The following SAP18 variants were observed in gnomAD, a reference collection of about 807,000 sequenced individuals.
SAP18 encodes the protein Sin3A associated protein 18.
A neutral mutation model predicts 18.6 loss-of-function variants in SAP18; 4 were observed. The ratio of observed to expected loss-of-function variants is 0.21; its 90% CI spans 0.11 to 0.49. SAP18 has a LOEUF of 0.49. SAP18 is among the 20% of genes least tolerant of loss of function. SAP18 has a pLI of 0.98. For synonymous variants in SAP18, 112 were observed against 82.8 expected (o/e 1.35, Z -1.92); for missense variants, 170 against 226.4 (o/e 0.75, Z 1.60).
exon 4 of SAP18, chr13:21,147,398 A>G: frequency 6.9e-7 from 1 of 1,453,466 alleles, no homozygotes; most frequent in Non-Finnish European, 9.4e-7. Context: ...AAATAAACAT[A>G]CTCTTCTTCC....
exon 4 of SAP18, chr13:21,148,455 A>G (rs1343775403): frequency 6.6e-6 from 1 of 152,180 alleles, no homozygotes; most frequent in Non-Finnish European, 1.5e-5. Context: ...TTAGTTTGTT[A>G]CAGTAGCCAA....
chr13:21,142,333 C>T (rs1438436044), intron 2 of SAP18, among the ~76,000 whole-genome samples: 1 of 150,682 alleles, frequency 6.6e-6, no homozygotes, highest in African/African-American at 2.4e-5. Flanking sequence ...CCGTGTTAAC[C>T]ATTTATTTTT....
At chr13:21,147,559 G>T in exon 4 of SAP18, 2 of 531,306 alleles carry the variant, frequency 3.8e-6, no homozygotes, top group Admixed American at 3.5e-5. Context: ...AGTGCTCTTA[G>T]CATTCTGTGT....
chr13:21,141,109 G>C, intron 2 of SAP18, 114 bp downstream of exon 2: 1 of 723,470 alleles, frequency 1.4e-6, no homozygotes. Flanking sequence ...TCTCCACTTG[G>C]GGCCTTCGGA....
intron 2 of SAP18, among the ~76,000 whole-genome samples, chr13:21,145,450 C>T (rs555194353): frequency 1.2e-4 from 18 of 152,126 alleles, no homozygotes; most frequent in Non-Finnish European, 2.2e-4. Flanking sequence ...GAATAGTTAA[C>T]ATCAAAATAT....
intron 2 of SAP18, chr13:21,141,206 C>T: frequency 3.4e-6 from 2 of 582,032 alleles, no homozygotes; most frequent in Non-Finnish European, 6.1e-6. Flanking sequence ...AATGTTGCAA[C>T]TTTTGGGCGG....
chr13:21,140,564 A>G (rs1387835530), exon 1 of SAP18: 14 of 1,598,054 alleles, frequency 8.8e-6, no homozygotes, highest in East Asian at 2.3e-5. Flanking sequence ...TGCTCGCTGC[A>G]GGGGTCGGAG....
chr13:21,141,022 A>G lies in SAP18; in HGVS notation c.239+27A>G, dbSNP rs1000417790. 5 of 1,472,180 alleles carry G rather than the reference A, an allele frequency of 3.4e-6. No homozygotes were observed. The African/African-American group carries it at 6.9e-5, about 20-fold the overall frequency. 91.2% of individuals were successfully genotyped at this position (1,472,180 alleles called of 1,614,324 possible). A position where few individuals can be genotyped will look rare whatever the true frequency, so the allele number is the denominator to read the frequency against. On this transcript the variant is annotated intron_variant, in intron 2 of 3. Coordinates refer to ENST00000621421, the Ensembl canonical transcript of SAP18. ...TGAGGAGGGCGGGGTGGCCTCAGGG[A>G]CCCGGGCCGGGAACCTGGAACAACA...
intron 2 of SAP18, among the ~76,000 whole-genome samples, chr13:21,146,312 A>C (rs1869648451): frequency 6.6e-6 from 1 of 152,208 alleles, no homozygotes; most frequent in Non-Finnish European, 1.5e-5. Flanking sequence ...ACGCCACTGC[A>C]CTCTAGCCTG....
At chr13:21,143,229 C>T (rs1194853402) in intron 2 of SAP18, among the ~76,000 whole-genome samples, 1 of 152,074 alleles carries the variant, frequency 6.6e-6, no homozygotes, top group Non-Finnish European at 1.5e-5. Flanking sequence ...TGGGTATGTA[C>T]CTAGGAGGGG....
At chr13:21,140,860 G>C in intron 1 of SAP18, 26 bp from the exon 2 acceptor site, 1 of 1,600,564 alleles carries the variant, frequency 6.2e-7, no homozygotes, top group Non-Finnish European at 8.6e-7. Flanking sequence ...TTTAACTTCT[G>C]CCCTTCCGTT....
chr13:21,141,422 G>A, intron 2 of SAP18: 1 of 175,544 alleles, frequency 5.7e-6, no homozygotes, highest in South Asian at 1.1e-4. Flanking sequence ...TAAGCCTTAG[G>A]TACCAAAGCA....
chr13:21,143,343 A>G (rs951982199), intron 2 of SAP18, among the ~76,000 whole-genome samples: 10 of 152,180 alleles, frequency 6.6e-5, no homozygotes, highest in African/African-American at 2.2e-4. Flanking sequence ...ATAATTTTAA[A>G]CTATTTAAGC....
chr13:21,143,040 ATGT>A (rs1234063448), intron 2 of SAP18, among the ~76,000 whole-genome samples: 2 of 152,292 alleles, frequency 1.3e-5, no homozygotes, highest in Admixed American at 1.3e-4. Flanking sequence ...TTTAGGGTTA[ATGT>A]TGTAGCATCC....
Position 21,147,163 on chromosome 13 carries a change from A to G in SAP18, c.363-23A>G, listed in dbSNP as rs557806651. The G allele has an allele frequency of 1.2e-5, 19 of 1,601,938 alleles. No homozygotes were observed. The Admixed American group carries it at 3.0e-4, about 25-fold the overall frequency. On this transcript the variant is annotated intron_variant, in intron 3 of 3. Transcript: ENST00000621421. Reference sequence around the variant, plus strand: ...GGGTTTCATTGATTTGGATCCATTAACAGTTGATTTTCTTTCTTACAGAGT... The same window carrying G: ...GGGTTTCATTGATTTGGATCCATTAGCAGTTGATTTTCTTTCTTACAGAGT...
chr13:21,146,722 T>C, intron 2 of SAP18, 83 bp from the exon 3 acceptor site: 1 of 1,084,470 alleles, frequency 9.2e-7, no homozygotes, highest in Non-Finnish European at 1.3e-6. Context: ...CAGATATATG[T>C]AATTAACTCA....
intron 2 of SAP18, among the ~76,000 whole-genome samples, chr13:21,142,058 T>A (rs1363974485): frequency 1.4e-5 from 2 of 148,078 alleles, no homozygotes; most frequent in Admixed American, 6.7e-5. Flanking sequence ...AGGCTGAGGC[T>A]GGCGGATCAC....
rs544087438 is a variant in SAP18, at chr13:21,144,660, T to G, written c.240-2145T>G. 9.2e-5 allele frequency among the ~76,000 whole-genome samples: 14 copies of G among 152,210 alleles called. No homozygotes were observed. The South Asian group carries it at 2.9e-3, about 32-fold the overall frequency. ...TCTCACAGCAATACCTAGGTTAGTG[T>G]TTGGTTGAATATCTGGGGACTGTAG... is the stretch of plus-strand genomic sequence containing the variant. On this transcript the variant is annotated intron_variant, in intron 2 of 3. Coordinates refer to ENST00000621421, the Ensembl canonical transcript of SAP18.
At chr13:21,148,466 T>C (rs926705436) in exon 4 of SAP18, 1 of 152,080 alleles carries the variant, frequency 6.6e-6, no homozygotes, top group Non-Finnish European at 1.5e-5. Context: ...CAGTAGCCAA[T>C]TGAAAATGTA....
Sources: allele counts gnomAD v4.1 joint callset (sites outside exome capture counted in the v4.1 genomes callset), GRCh38; gene constraint gnomAD v4.1.1; transcripts MANE v1.5; gene names NCBI Gene and HGNC (gene_info 2026-07-23, HGNC 2026-07-21).